PTPRG: variants seen among roughly 807,000 people sequenced by gnomAD.
The protein encoded by PTPRG is protein tyrosine phosphatase receptor type G, also known as receptor-type tyrosine-protein phosphatase gamma.
Under a neutral mutation model 165.3 loss-of-function variants are expected in PTPRG, and 102 were observed. The observed-to-expected ratio is 0.62, with a 90% CI of 0.53 to 0.73. PTPRG has a LOEUF of 0.73. Ranked by LOEUF, PTPRG falls within the 30% of genes least tolerant of loss-of-function variation. The pLI, the probability that PTPRG is intolerant of heterozygous loss-of-function variation, is 0.00. For synonymous variants in PTPRG, 675 were observed against 669.5 expected (o/e 1.01, Z -0.13); for missense variants, 1,866 against 1,861.4 (o/e 1.00, Z -0.05).
intron 5 of PTPRG, among the ~76,000 whole-genome samples, chr3:62,113,509 TATATAAAA>T (rs1702744278): frequency 6.6e-6 from 1 of 152,220 alleles, no homozygotes; most frequent in Non-Finnish European, 1.5e-5. Flanking sequence ...TACCAAATTA[TATATAAAA>T]ATATGAAAAT....
intron 2 of PTPRG, among the ~76,000 whole-genome samples, chr3:61,970,443 G>T (rs562687656): frequency 6.6e-6 from 1 of 152,306 alleles, no homozygotes; most frequent in South Asian, 2.1e-4. Flanking sequence ...GTAAATGTTT[G>T]CTAGTTGTAG....
chr3:62,218,565 G>A (rs1211977947), intron 12 of PTPRG, among the ~76,000 whole-genome samples: 1 of 152,150 alleles, frequency 6.6e-6, no homozygotes, highest in Non-Finnish European at 1.5e-5. Flanking sequence ...GGTAAGGCTG[G>A]AATGTCTATG....
In PTPRG at chr3:62,245,647, TCTC is replaced by T. The variant is rs1220460772; in HGVS notation, c.2467+1752_2467+1754del. 6.6e-6 allele frequency among the ~76,000 whole-genome samples: 1 copy of T among 152,098 alleles called. No individual in the cohort carries two copies. Among genetic ancestry groups the T allele is most frequent in the Non-Finnish European group, 1.5e-5 (1 of 68,014 alleles). ...TCTGTAAATTAATTAGGATGCCTAT[TCTC>T]CTTGCCTTTTGAGGTAACTGTCAAG... On this transcript the variant is annotated intron_variant, in intron 15 of 29. Transcript: ENST00000474889. This position sits in a 1 kb window ranked among gnomAD's most constrained non-coding sequence, Gnocchi z 4.2.
intron 2 of PTPRG, among the ~76,000 whole-genome samples, chr3:61,902,413 T>C (rs928016567): frequency 2.6e-5 from 4 of 152,136 alleles, no homozygotes; most frequent in African/African-American, 9.7e-5. Flanking sequence ...ATGTAATTCA[T>C]TGAGCCTTAG....
In PTPRG at chr3:62,078,179, A is replaced by C; in HGVS notation, c.536A>C (p.Tyr179Ser). The stretch of plus-strand genomic sequence containing the variant: ...TTCTTACAGATGCAGATTTTCTTTT[A>C]CAATCCAGATGACTTTGACAGCTTT... ...RFPVEMQIFF[Y>S]NPDDFDSFQT... The change falls in exon 5 of 30, where the codon TAC (tyrosine) becomes TCC (serine). Residue 179 changes from tyrosine to serine, a missense_variant. This residue lies in a region of PTPRG where 408 missense variants were observed against 376.2 expected (regional missense o/e 1.08). Transcript: ENST00000474889. 1 of 1,600,616 alleles carries C rather than the reference A, an allele frequency of 6.2e-7. No individual in the cohort carries two copies. The highest frequency in any genetic ancestry group is 8.5e-7 in the Non-Finnish European group (1 of 1,173,596).
chr3:61,569,661 G>T (rs1700009536), intron 1 of PTPRG, among the ~76,000 whole-genome samples: 1 of 152,118 alleles, frequency 6.6e-6, no homozygotes, highest in African/African-American at 2.4e-5. Context: ...AGGAGTGTAT[G>T]GAAAGCGGAC....
chr3:61,876,485 A>G (rs1037531736), intron 2 of PTPRG, among the ~76,000 whole-genome samples: 2 of 152,178 alleles, frequency 1.3e-5, no homozygotes, highest in African/African-American at 4.8e-5. Flanking sequence ...ACATTTGGGG[A>G]AGCTGGGTCA....
At chr3:61,951,862 G>A (rs900713007) in intron 2 of PTPRG, among the ~76,000 whole-genome samples, 2 of 152,162 alleles carry the variant, frequency 1.3e-5, no homozygotes, top group Non-Finnish European at 2.9e-5. Flanking sequence ...GCTCACGCCT[G>A]TAATCCCAGC....
At chr3:62,269,300 ACT>A in intron 20 of PTPRG, 131 bp downstream of exon 20, 1 of 975,944 alleles carries the variant, frequency 1.0e-6, no homozygotes, top group Non-Finnish European at 1.4e-6. Flanking sequence ...TTTTTTCATA[ACT>A]CTTTTGATTG....
intron 2 of PTPRG, among the ~76,000 whole-genome samples, chr3:61,920,765 T>C (rs966063026): frequency 6.6e-6 from 1 of 152,230 alleles, no homozygotes; most frequent in Non-Finnish European, 1.5e-5. Context: ...ATATTCCTTA[T>C]GCCCCCTGAG....
At chr3:61,874,986 C>A (rs1036723365) in intron 2 of PTPRG, among the ~76,000 whole-genome samples, 8 of 152,186 alleles carry the variant, frequency 5.3e-5, no homozygotes, top group African/African-American at 1.9e-4. Flanking sequence ...GTCTACAACT[C>A]CATCAGGTAT....
chr3:62,166,332 A>T (rs1313544342), intron 7 of PTPRG, among the ~76,000 whole-genome samples: 4 of 142,134 alleles, frequency 2.8e-5, no homozygotes, highest in Non-Finnish European at 6.1e-5. Context: ...TTTTATTTTT[A>T]AAAATTTTTT....
chr3:62,258,394 G>A (rs1470199418), intron 16 of PTPRG, among the ~76,000 whole-genome samples: 1 of 152,120 alleles, frequency 6.6e-6, no homozygotes, highest in Non-Finnish European at 1.5e-5. Context: ...TACTGGGGGA[G>A]GCCAGAGTGT....
At chr3:61,860,809 G>C (rs897439067) in intron 2 of PTPRG, among the ~76,000 whole-genome samples, 2 of 152,096 alleles carry the variant, frequency 1.3e-5, no homozygotes, top group African/African-American at 2.4e-5. Context: ...AAATAATACA[G>C]AGAGGTCCCT....
At chr3:62,281,537 G>GATTTTTTT in intron 26 of PTPRG, 26 bp from the exon 27 acceptor site, 1 of 174,778 alleles carries the variant, frequency 5.7e-6, no homozygotes, top group Non-Finnish European at 8.2e-6. Context: ...AACTGCAGAG[G>GATTTTTTT]CTTTTTTTTT....
In PTPRG at chr3:62,071,515, T is replaced by C. The variant is rs143355090; in HGVS notation, c.520-6648T>C. ...GCCTCACTTGACCATGAGCCACTCA[T>C]TGCCTTATGCTTTTATTTCGTGATA... is the stretch of plus-strand genomic sequence containing the variant. On this transcript the variant is annotated intron_variant, in intron 4 of 29. Coordinates refer to ENST00000474889, the MANE Select transcript of PTPRG (RefSeq NM_002841.4). 1.2e-3 allele frequency among the ~76,000 whole-genome samples: 180 copies of C among 152,330 alleles called. 4 individuals carry two copies. The highest frequency in any genetic ancestry group is 0.011 in the South Asian group (55 of 4,828).
intron 4 of PTPRG, among the ~76,000 whole-genome samples, chr3:62,023,431 C>T (rs1017238772): frequency 5.9e-5 from 9 of 152,076 alleles, no homozygotes; most frequent in African/African-American, 2.2e-4. Context: ...GTTTTTTTCA[C>T]TCCTCTTTTT....
chr3:62,247,793 T>C (rs908538211), intron 15 of PTPRG, among the ~76,000 whole-genome samples: 4 of 152,190 alleles, frequency 2.6e-5, no homozygotes, highest in African/African-American at 9.6e-5. Flanking sequence ...TCCCAAAGCA[T>C]ACGTGGAATC....
intron 5 of PTPRG, among the ~76,000 whole-genome samples, chr3:62,089,388 T>C (rs1425977171): frequency 6.6e-6 from 1 of 152,232 alleles, no homozygotes; most frequent in African/African-American, 2.4e-5. Context: ...TGTTAACATC[T>C]TGATCTTGGT....
Sources: allele counts gnomAD v4.1 joint callset (sites outside exome capture counted in the v4.1 genomes callset), GRCh38; gene constraint gnomAD v4.1.1; regional missense constraint gnomAD v4.1.1; non-coding constraint Gnocchi (gnomAD v3.1); transcripts MANE v1.5; gene names NCBI Gene and HGNC (gene_info 2026-07-23, HGNC 2026-07-21).